STK10: variants seen among roughly 807,000 people sequenced by gnomAD.
STK10 encodes serine/threonine-protein kinase 10.
Under a neutral mutation model 113.8 loss-of-function variants are expected in STK10, and 78 were observed. The observed-to-expected ratio is 0.69, with a 90% confidence interval of 0.57 to 0.83. The LOEUF is 0.83. STK10 is among the 40% of genes least tolerant of loss of function. STK10 has a pLI of 0.00. For missense variants in STK10, 1,109 were observed against 1,280.1 expected (o/e 0.87, Z 2.04); for synonymous variants, 465 against 494.7 (o/e 0.94, Z 0.80).
chr5:172,138,664 C>T (rs1385009195), intron 2 of STK10, among the ~76,000 whole-genome samples: 1 of 151,976 alleles, frequency 6.6e-6, no homozygotes, highest in Non-Finnish European at 1.5e-5. Flanking sequence ...AAGAAATAAA[C>T]TTAAAAAGGA....
chr5:172,165,168 T>C (rs1485295921), intron 1 of STK10, among the ~76,000 whole-genome samples: 1 of 141,196 alleles, frequency 7.1e-6, no homozygotes. Context: ...GGCCCTCCCC[T>C]TCCCTCCCGG....
At chr5:172,048,495 C>T (rs1767548230) in intron 18 of STK10, among the ~76,000 whole-genome samples, 1 of 150,464 alleles carries the variant, frequency 6.6e-6, no homozygotes, top group Admixed American at 6.6e-5. Context: ...AGAATCCAGA[C>T]TAATACGGCC....
At chr5:172,089,164 C>T (rs776904331) in intron 10 of STK10, among the ~76,000 whole-genome samples, 1 of 152,244 alleles carries the variant, frequency 6.6e-6, no homozygotes, top group Non-Finnish European at 1.5e-5. Flanking sequence ...GCTCCCCCAG[C>T]TCTCCTCCCC....
At chr5:172,106,567 G>T in intron 6 of STK10, 53 bp downstream of exon 6, 2 of 1,549,494 alleles carry the variant, frequency 1.3e-6, no homozygotes, top group African/African-American at 2.7e-5. Flanking sequence ...ACATATTCCA[G>T]CCCTAATCCC....
chr5:172,068,897 C>A (rs569854861), intron 12 of STK10, among the ~76,000 whole-genome samples: 2,465 of 145,640 alleles, frequency 0.017, 23 homozygotes, highest in African/African-American at 0.02. Flanking sequence ...AAAAAAAAAA[C>A]AAAACCAAAA....
At chr5:172,129,515 C>A (rs551248589) in intron 2 of STK10, among the ~76,000 whole-genome samples, 51 of 152,298 alleles carry the variant, frequency 3.3e-4, no homozygotes, top group African/African-American at 1.2e-3. Context: ...GCATGCTGAT[C>A]CCGAACGCCA....
At chr5:172,127,598 C>T (rs992668573) in intron 2 of STK10, among the ~76,000 whole-genome samples, 177 bp from the exon 3 acceptor site, 4 of 152,188 alleles carry the variant, frequency 2.6e-5, no homozygotes, top group Non-Finnish European at 5.9e-5. Flanking sequence ...GGCCTCAAAC[C>T]TCACTGGAGG....
At chr5:172,186,785 C>T (rs1449043514) in intron 1 of STK10, among the ~76,000 whole-genome samples, 2 of 152,058 alleles carry the variant, frequency 1.3e-5, no homozygotes, top group Non-Finnish European at 2.9e-5. Flanking sequence ...GACAAGCTCC[C>T]AAATGATGCT....
intron 10 of STK10, among the ~76,000 whole-genome samples, chr5:172,086,114 A>G (rs1413558761): frequency 6.6e-6 from 1 of 152,180 alleles, no homozygotes; most frequent in African/African-American, 2.4e-5. Context: ...AAATGAGGCT[A>G]ACAATCTTTA....
intron 3 of STK10, among the ~76,000 whole-genome samples, chr5:172,119,374 C>T (rs529585225): frequency 2.0e-5 from 3 of 152,080 alleles, no homozygotes; most frequent in Non-Finnish European, 2.9e-5. Flanking sequence ...GGGTAGTCCA[C>T]GAGAAGTTCT....
At chr5:172,185,574 C>A (rs1581195743) in intron 1 of STK10, among the ~76,000 whole-genome samples, 1 of 152,144 alleles carries the variant, frequency 6.6e-6, no homozygotes, top group Admixed American at 6.6e-5. Flanking sequence ...GCCCAAAAAA[C>A]CCATATGTTT....
intron 2 of STK10, among the ~76,000 whole-genome samples, chr5:172,137,891 CAAA>C (rs34136706): frequency 6.4e-5 from 5 of 78,474 alleles, no homozygotes; most frequent in Admixed American, 1.5e-4. Context: ...GACTCTGTCT[CAAA>C]AAAAAAAAAA....
chr5:172,108,795 A>AT (rs1330860096), intron 4 of STK10, among the ~76,000 whole-genome samples: 9 of 151,256 alleles, frequency 6.0e-5, no homozygotes, highest in African/African-American at 2.2e-4. Flanking sequence ...ATTTATTATT[A>AT]TTTTTTTGAG....
intron 12 of STK10, among the ~76,000 whole-genome samples, chr5:172,074,413 C>T (rs186932794): frequency 0.012 from 1,879 of 152,206 alleles, 21 homozygotes; most frequent in Non-Finnish European, 0.015. Context: ...ACTAACTTTT[C>T]ACAAAGGTAC....
At chr5:172,056,987 GAA>G (rs746988347) in intron 15 of STK10, 3,218 of 93,778 alleles carry the variant, frequency 0.034, 113 homozygotes, top group African/African-American at 0.062. Flanking sequence ...AAGAAAGAAA[GAA>G]AGAAAGAGAA....
intron 2 of STK10, among the ~76,000 whole-genome samples, chr5:172,146,663 G>A (rs2113806381): frequency 6.6e-6 from 1 of 152,332 alleles, no homozygotes; most frequent in East Asian, 1.9e-4. Context: ...GAGGGAATAG[G>A]GCCCGTGGGG....
intron 1 of STK10, among the ~76,000 whole-genome samples, chr5:172,170,438 TCAA>T (rs1322510494): frequency 6.6e-6 from 1 of 152,056 alleles, no homozygotes; most frequent in African/African-American, 2.4e-5. Context: ...AAGTTTCAGC[TCAA>T]CGACAAGTGA....
chr5:172,144,857 C>A (rs1770054384), intron 2 of STK10, among the ~76,000 whole-genome samples: 1 of 152,112 alleles, frequency 6.6e-6, no homozygotes, highest in Non-Finnish European at 1.5e-5. Context: ...TACCCCCCAC[C>A]CCCTTTTACA....
chr5:172,064,792 C>G lies in STK10; in HGVS notation c.2010G>C (p.Lys670Asn), dbSNP rs773421102. 5.5e-5 allele frequency: 88 copies of G among 1,613,786 alleles called. No individual in the cohort carries two copies. Among genetic ancestry groups the G allele is most frequent in the Non-Finnish European group, 7.1e-5 (84 of 1,179,968 alleles). The part of the protein sequence containing the change: ...MKKEVKNEVE[K>N]LPRQQRKESM... ...TTTCCTTCCGCTGCTGTCGGGGGAG[C>G]TTCTCCACCTCGTTCTTCACCTGCA... Residue 670 changes from lysine to asparagine, a missense_variant, in exon 13 of 19, where the codon AAG becomes AAC. Lys to Asn is a moderately conservative substitution (Grantham distance 94, BLOSUM62 0). Coordinates refer to ENST00000176763, the MANE Select transcript of STK10 (RefSeq NM_005990.4).
Sources: gnomAD v4.1 joint callset for allele counts (sites outside exome capture counted in the v4.1 genomes callset) on GRCh38, gnomAD v4.1.1 for gene constraint, MANE v1.5 for transcripts, NCBI Gene and HGNC (gene_info 2026-07-23, HGNC 2026-07-21) for gene names.